PTPRE: variants seen among roughly 807,000 people sequenced by gnomAD.
PTPRE encodes protein tyrosine phosphatase receptor type E, also known as receptor-type tyrosine-protein phosphatase epsilon.
PTPRE carries 51 observed loss-of-function variants against 102.0 expected under a neutral mutation model. The observed-to-expected ratio is 0.50, with a 90% CI of 0.40 to 0.63. The LOEUF (loss-of-function observed/expected upper bound fraction) is 0.63, where lower values mean the gene tolerates loss of function less well. Ranked by LOEUF, PTPRE falls within the 30% of genes least tolerant of loss-of-function variation. The probability of loss-of-function intolerance (pLI) is 0.00; values close to 1 mark genes in which losing one functional copy is unlikely to be tolerated. For synonymous variants in PTPRE, 345 were observed against 348.2 expected (o/e 0.99, Z 0.10); for missense variants, 752 against 915.1 (o/e 0.82, Z 2.30).
At chr10:127,969,682 A>AGT (rs1850550972) in intron 1 of PTPRE, among the ~76,000 whole-genome samples, 1 of 139,122 alleles carries the variant, frequency 7.2e-6, no homozygotes, top group Admixed American at 7.3e-5. Flanking sequence ...AAAAAAAAAA[A>AGT]GGGGGGCGGG....
chr10:127,990,601 A>G (rs553899175), intron 2 of PTPRE, among the ~76,000 whole-genome samples: 1 of 152,248 alleles, frequency 6.6e-6, no homozygotes, highest in African/African-American at 2.4e-5. Context: ...TGGAGTTAGC[A>G]ACAGAAATCC....
chr10:128,040,763 A>G (rs1847618779), intron 2 of PTPRE, 112 bp from the exon 3 acceptor site: 2 of 755,724 alleles, frequency 2.6e-6, no homozygotes, highest in African/African-American at 3.5e-5. Flanking sequence ...TTCTTGGCTC[A>G]GAGAAAGCCC....
chr10:128,044,182 T>C (rs1350144995), intron 3 of PTPRE, among the ~76,000 whole-genome samples: 1 of 152,240 alleles, frequency 6.6e-6, no homozygotes, highest in Non-Finnish European at 1.5e-5. Context: ...TTCCTGAACA[T>C]TGAAAATTTT....
chr10:127,961,502 G>A (rs1226833577), intron 1 of PTPRE, among the ~76,000 whole-genome samples: 1 of 152,154 alleles, frequency 6.6e-6, no homozygotes, highest in Non-Finnish European at 1.5e-5. Flanking sequence ...GGGAAGGAGG[G>A]CCCCCAGGAG....
chr10:127,971,820 C>T (rs1850766129), intron 1 of PTPRE, among the ~76,000 whole-genome samples: 1 of 152,224 alleles, frequency 6.6e-6, no homozygotes, highest in Non-Finnish European at 1.5e-5. Flanking sequence ...GATGTTCCTG[C>T]TGGGATGGCC....
chr10:128,082,195 C>CTCTCTTTTTTTTTTTTTTTTTTTTT, intron 20 of PTPRE, among the ~76,000 whole-genome samples: 1 of 89,036 alleles, frequency 1.1e-5, no homozygotes, highest in Non-Finnish European at 2.2e-5. Context: ...TTTTCTCTTT[C>CTCTCTTTTTTTTTTTTTTTTTTTTT]TTTTTTTTTT....
chr10:127,908,136 T>C (rs1845619500), intron 1 of PTPRE, among the ~76,000 whole-genome samples: 1 of 152,224 alleles, frequency 6.6e-6, no homozygotes, highest in South Asian at 2.1e-4. Flanking sequence ...CTTGCAGAAT[T>C]ATGATATTGG....
chr10:127,947,868 G>C (rs1278246598), intron 1 of PTPRE, among the ~76,000 whole-genome samples: 1 of 152,192 alleles, frequency 6.6e-6, no homozygotes, highest in African/African-American at 2.4e-5. Context: ...GTAGGTCAGG[G>C]AGTGGGGAAA....
At chr10:127,950,238 G>A (rs926409598) in intron 1 of PTPRE, among the ~76,000 whole-genome samples, 4 of 152,130 alleles carry the variant, frequency 2.6e-5, no homozygotes, top group African/African-American at 7.2e-5. Flanking sequence ...AAAGGGAGCC[G>A]ACTGAATTTA....
Position 128,070,759 on chromosome 10 carries a change from C to A in PTPRE, c.1294-49C>A, listed in dbSNP as rs768000998. 25 of 1,570,702 alleles carry A rather than the reference C, an allele frequency of 1.6e-5. No individual in the cohort carries two copies. The highest frequency in any genetic ancestry group is 2.2e-5 in the Non-Finnish European group (25 of 1,143,224). Reference sequence around the variant, plus strand: ...CTAGTCCTCGGCTGAGCAATGTGCTCAGGAGTGTCAGAGGTTTAACTGTGT... The same window carrying A: ...CTAGTCCTCGGCTGAGCAATGTGCTAAGGAGTGTCAGAGGTTTAACTGTGT... On this transcript the variant is annotated intron_variant, in intron 14 of 20. Transcript: ENST00000254667. This position sits in a 1 kb window ranked among gnomAD's most constrained non-coding sequence, Gnocchi z 4.8.
intron 1 of PTPRE, among the ~76,000 whole-genome samples, chr10:127,971,677 C>A (rs1337719215): frequency 6.6e-6 from 1 of 152,208 alleles, no homozygotes; most frequent in Non-Finnish European, 1.5e-5. Flanking sequence ...AAGCCTCCAG[C>A]GTGCGCGATT....
chr10:127,957,915 G>A (rs1425092614), intron 1 of PTPRE, among the ~76,000 whole-genome samples: 2 of 152,224 alleles, frequency 1.3e-5, no homozygotes, highest in East Asian at 1.9e-4. Context: ...TATTTTGTTA[G>A]GTTTATGCCT....
chr10:128,061,100 A>G, intron 8 of PTPRE, 85 bp downstream of exon 8: 2 of 1,373,122 alleles, frequency 1.5e-6, no homozygotes, highest in South Asian at 1.2e-5. Flanking sequence ...CGGAGTGTAA[A>G]TTGTCACAAC....
intron 2 of PTPRE, among the ~76,000 whole-genome samples, chr10:128,000,626 T>A (rs1447483567): frequency 2.0e-5 from 3 of 152,256 alleles, no homozygotes; most frequent in Non-Finnish European, 2.9e-5. Context: ...ATATTATAGC[T>A]CACCTATGAA....
intron 1 of PTPRE, among the ~76,000 whole-genome samples, chr10:127,961,724 CA>C (rs926497736): frequency 2.0e-5 from 3 of 152,196 alleles, no homozygotes; most frequent in African/African-American, 7.2e-5. Flanking sequence ...TCCTACCTGT[CA>C]CTGCACTTGG....
At chr10:127,917,855 C>A (rs1447346698) in intron 1 of PTPRE, among the ~76,000 whole-genome samples, 3 of 151,916 alleles carry the variant, frequency 2.0e-5, no homozygotes. Flanking sequence ...CATAGTGAAA[C>A]CCCATCTCTA....
rs571539885 is a variant in PTPRE at position 128,006,261 on chromosome 10, T to G, written c.-8+23965T>G. Among the ~76,000 whole-genome samples, 4 of 152,340 alleles carry G rather than the reference T, an allele frequency of 2.6e-5. No individual in the cohort carries two copies. The South Asian group carries it at 8.3e-4, about 32-fold the overall frequency. ...CAACCTGGTGCATCCACTTTCACTC[T>G]GAAGTTCTGACCTAAATTGGCATTG... On this transcript the variant is annotated intron_variant, in intron 2 of 20. Transcript: ENST00000254667.
At chr10:127,932,417 G>A (rs1847512040) in intron 1 of PTPRE, among the ~76,000 whole-genome samples, 1 of 152,200 alleles carries the variant, frequency 6.6e-6, no homozygotes, top group Non-Finnish European at 1.5e-5. Context: ...AAAAAAGATT[G>A]TTCCCTTCCA....
chr10:127,951,585 C>T (rs556951675), intron 1 of PTPRE, among the ~76,000 whole-genome samples: 16 of 152,320 alleles, frequency 1.1e-4, no homozygotes, highest in South Asian at 2.1e-4. Context: ...CCCCATCCAG[C>T]GGTCATTCCC....
Sources: gnomAD v4.1 joint callset for allele counts (sites outside exome capture counted in the v4.1 genomes callset) on GRCh38, gnomAD v4.1.1 for gene constraint, Gnocchi (gnomAD v3.1) non-coding constraint, MANE v1.5 for transcripts, NCBI Gene and HGNC (gene_info 2026-07-23, HGNC 2026-07-21) for gene names.